GAL3ST1: variants seen among roughly 807,000 people sequenced by gnomAD.
GAL3ST1 encodes galactosylceramide sulfotransferase.
Under a neutral mutation model 25.0 loss-of-function variants are expected in GAL3ST1, and 13 were observed. The ratio of observed to expected loss-of-function variants is 0.52; its 90% CI spans 0.34 to 0.83. The LOEUF is 0.83. Ranked by LOEUF, GAL3ST1 falls within the 40% of genes least tolerant of loss-of-function variation. GAL3ST1 has a pLI of 0.02. For synonymous variants in GAL3ST1, 274 were observed against 277.8 expected, an observed-to-expected ratio of 0.99 and a Z score of 0.14; for missense variants, 474 against 613.6, an observed-to-expected ratio of 0.77 and a Z score of 2.40.
At chr22:30,574,085 C>T (rs1341165380) in intron 1 of GAL3ST1, among the ~76,000 whole-genome samples, 3 of 152,136 alleles carry the variant, frequency 2.0e-5, no homozygotes, top group African/African-American at 4.8e-5. Flanking sequence ...GATCTCTGCC[C>T]CTCCTCCCCT....
At chr22:30,559,165 A>G (rs968178767) in intron 1 of GAL3ST1, among the ~76,000 whole-genome samples, 3 of 152,208 alleles carry the variant, frequency 2.0e-5, no homozygotes, top group Non-Finnish European at 4.4e-5. Flanking sequence ...CTCAAAAAAA[A>G]AAAATTATTC....
chr22:30,558,885 C>T (rs183191065), intron 1 of GAL3ST1, among the ~76,000 whole-genome samples: 24 of 152,286 alleles, frequency 1.6e-4, no homozygotes, highest in Non-Finnish European at 3.1e-4. Context: ...AGGCTGGGCA[C>T]GGTGGCTCAC....
intron 1 of GAL3ST1, among the ~76,000 whole-genome samples, chr22:30,568,248 C>T (rs1012443456): frequency 6.6e-6 from 1 of 152,206 alleles, no homozygotes; most frequent in Non-Finnish European, 1.5e-5. Flanking sequence ...GTGGCAGAAG[C>T]TGTTGTGTGG....
intron 1 of GAL3ST1, among the ~76,000 whole-genome samples, chr22:30,564,423 T>G (rs1347995271): frequency 3.3e-5 from 5 of 152,174 alleles, no homozygotes; most frequent in African/African-American, 1.2e-4. Flanking sequence ...CAAGGATACC[T>G]TTGGGGTAAC....
rs532747423 is a variant in GAL3ST1, at chr22:30,555,642, C to G, written c.583G>C (p.Glu195Gln). 6.2e-6 allele frequency: 10 copies of G among 1,613,658 alleles called. No individual in the cohort carries two copies. The East Asian group carries it at 2.2e-4, about 36-fold the overall frequency. ...TAGCGATCCGGGTCTTGCAGGAACTCGGTCAGCTTGTCGCCGGCCGAGAGC... is the reference window on the plus strand; with the variant it reads ...TAGCGATCCGGGTCTTGCAGGAACTGGGTCAGCTTGTCGCCGGCCGAGAGC... ...WKLSAGDKLT[E>Q]FLQDPDRYYD... is the part of the protein sequence containing the mutation. Residue 195 changes from glutamate to glutamine, a missense_variant, in exon 4 of 4, where the codon GAG becomes CAG. Transcript: ENST00000406361. This position sits in a 1 kb window ranked among gnomAD's most constrained non-coding sequence, Gnocchi z 8.6.
At chr22:30,562,997 T>A (rs2086491757) in intron 1 of GAL3ST1, among the ~76,000 whole-genome samples, 1 of 152,102 alleles carries the variant, frequency 6.6e-6, no homozygotes, top group Non-Finnish European at 1.5e-5. Flanking sequence ...GCACCTGTAA[T>A]CCCAGCTACT....
chr22:30,555,905 G>A lies in GAL3ST1; in HGVS notation c.320C>T (p.Ala107Val). ...GAAGTCATTGCGGCCGTTAGGGAAG[G>A]CGAACTTGAGCCGGTGCTTCTGGCC... ...RFGQKHRLKFAFPNGRNDFDY... is the reference protein window; with the variant it reads ...RFGQKHRLKFVFPNGRNDFDY... Residue 107 changes from alanine (A) to valine (V), a missense_variant, in exon 4 of 4, where the codon GCC becomes GTC. Coordinates refer to ENST00000406361, the MANE Select transcript of GAL3ST1 (RefSeq NM_001318104.2). This position sits in a 1 kb window ranked among gnomAD's most constrained non-coding sequence, Gnocchi z 8.6. 6.2e-7 allele frequency: 1 copy of A among 1,614,202 alleles called. No individual in the cohort carries two copies. The highest frequency in any genetic ancestry group is 8.5e-7 in the Non-Finnish European group (1 of 1,180,032).
intron 1 of GAL3ST1, among the ~76,000 whole-genome samples, chr22:30,573,194 G>T (rs2086829042): frequency 6.6e-6 from 1 of 152,162 alleles, no homozygotes; most frequent in African/African-American, 2.4e-5. Context: ...GAGGCGAGGG[G>T]GGGTGTCCAG....
intron 1 of GAL3ST1, among the ~76,000 whole-genome samples, chr22:30,573,606 T>C (rs947320885): frequency 6.6e-6 from 1 of 152,144 alleles, no homozygotes; most frequent in Admixed American, 6.5e-5. Flanking sequence ...TACACCTCTC[T>C]CCCCTCTGGA....
At chr22:30,567,035 C>T (rs1477244346) in intron 1 of GAL3ST1, among the ~76,000 whole-genome samples, 1 of 152,106 alleles carries the variant, frequency 6.6e-6, no homozygotes, top group Non-Finnish European at 1.5e-5. Flanking sequence ...TGGCTCACTG[C>T]AACCTCTGCC....
At chr22:30,558,477 G>A (rs1455630217) in intron 1 of GAL3ST1, 89 bp from the exon 2 acceptor site, 1 of 152,220 alleles carries the variant, frequency 6.6e-6, no homozygotes, top group Non-Finnish European at 1.5e-5. Context: ...GCCTGGGCCA[G>A]GGCTGTCTAT....
intron 1 of GAL3ST1, among the ~76,000 whole-genome samples, chr22:30,567,479 A>G (rs1017850558): frequency 3.3e-5 from 5 of 151,748 alleles, no homozygotes; most frequent in Middle Eastern, 3.4e-3. Context: ...GGGTCTTGCT[A>G]TGTTGTCCAG....
rs370454788 is a variant in GAL3ST1, at chr22:30,574,186, C to A, written c.-120+280G>T. Among the ~76,000 whole-genome samples, 11 of 152,270 alleles carry A rather than the reference C, an allele frequency of 7.2e-5. No homozygotes were observed. The East Asian group carries it at 1.9e-3, about 27-fold the overall frequency. On this transcript the variant is annotated intron_variant, in intron 1 of 3. Coordinates refer to ENST00000406361, the MANE Select transcript of GAL3ST1 (RefSeq NM_001318104.2). ...AGCCTGCCTTCTGCCCCACCCATCCCACCTTCAGGGACTGGGAAGCCCTGG... is the reference window on the plus strand; with the variant it reads ...AGCCTGCCTTCTGCCCCACCCATCCAACCTTCAGGGACTGGGAAGCCCTGG...
At chr22:30,558,097 T>A (rs2086150335) in intron 2 of GAL3ST1, among the ~76,000 whole-genome samples, 182 bp downstream of exon 2, 1 of 151,066 alleles carries the variant, frequency 6.6e-6, no homozygotes, top group Non-Finnish European at 1.5e-5. Flanking sequence ...CATGAAACAC[T>A]TTTCTAAGGC....
intron 1 of GAL3ST1, among the ~76,000 whole-genome samples, chr22:30,569,283 G>T (rs1270853791): frequency 6.6e-6 from 1 of 152,102 alleles, no homozygotes; most frequent in African/African-American, 2.4e-5. Context: ...GACCTCCATA[G>T]TAGTTGTTAC....
At chr22:30,557,191 A>T (rs1191453784) in intron 3 of GAL3ST1, 71 bp downstream of exon 3, 1 of 1,527,506 alleles carries the variant, frequency 6.5e-7, no homozygotes. Flanking sequence ...TGTGGTAATT[A>T]CAGGGCCCCA....
At chr22:30,559,351 C>G (rs1037724782) in intron 1 of GAL3ST1, among the ~76,000 whole-genome samples, 1 of 152,030 alleles carries the variant, frequency 6.6e-6, no homozygotes, top group Non-Finnish European at 1.5e-5. Context: ...AGCGATTCTC[C>G]TGCCTCAGCC....
Position 30,555,239 on chromosome 22 carries a change from C to A in GAL3ST1, c.986G>T (p.Arg329Leu). 1.9e-6 allele frequency: 3 copies of A among 1,598,594 alleles called. No individual in the cohort carries two copies. The highest frequency in any genetic ancestry group is 2.6e-6 in the Non-Finnish European group (3 of 1,175,490). ...VEAFGRERMA[R>L]EVAALRHANE... is the part of the protein sequence containing the mutation. ...GGCATGGCGCAGGGCGGCCACCTCG[C>A]GGGCCATGCGCTCCCGCCCGAAGGC... Residue 329 changes from arginine to leucine, a missense_variant, in exon 4 of 4, where the codon CGC becomes CTC. Arg to Leu is a moderately radical substitution (Grantham distance 102). Around this residue, in one of 2 missense-constraint regions of GAL3ST1, gnomAD observed 359 missense variants for 504.4 expected, o/e 0.71. Coordinates refer to ENST00000406361, the MANE Select transcript of GAL3ST1 (RefSeq NM_001318104.2). This position sits in a 1 kb window ranked among gnomAD's most constrained non-coding sequence, Gnocchi z 8.6.
At position 30,571,691 on chromosome 22, in the gene GAL3ST1, G is replaced by A. The variant is rs552723212; in HGVS notation, c.-120+2775C>T. Among the ~76,000 whole-genome samples the A allele has an allele frequency of 1.4e-3, 217 of 152,152 alleles. 1 individual carries two copies. The highest frequency in any genetic ancestry group is 3.4e-3 in the Middle Eastern group (1 of 294). ...ATCCTGGCTAACACAGTGAAATCCC[G>A]TCTCTACTAAAATTATAAAAAAATT... On this transcript the variant is annotated intron_variant, in intron 1 of 3. Transcript: ENST00000406361.
Sources: allele counts gnomAD v4.1 joint callset (sites outside exome capture counted in the v4.1 genomes callset), GRCh38; gene constraint gnomAD v4.1.1; regional missense constraint gnomAD v4.1.1; non-coding constraint Gnocchi (gnomAD v3.1); transcripts MANE v1.5; gene names NCBI Gene and HGNC (gene_info 2026-07-23, HGNC 2026-07-21).